The following ATG10 variants were observed in gnomAD, a reference collection of about 807,000 sequenced individuals.
ATG10 encodes ubiquitin-like-conjugating enzyme ATG10.
ATG10 carries 30 observed loss-of-function variants against 32.1 expected under a neutral mutation model. The observed-to-expected ratio is 0.94, with a 90% CI of 0.70 to 1.27. The LOEUF (loss-of-function observed/expected upper bound fraction) is 1.27, where lower values mean the gene tolerates loss of function less well. ATG10 is among the 50% of genes most tolerant of loss of function. The pLI, the probability that ATG10 is intolerant of heterozygous loss-of-function variation, is 0.00. For missense variants in ATG10, 233 were observed against 262.3 expected, an observed-to-expected ratio of 0.89 and a Z score of 0.77; for synonymous variants, 87 against 91.5, an observed-to-expected ratio of 0.95 and a Z score of 0.28.
chr5:81,983,951 C>G (rs1417827318), intron 1 of ATG10, among the ~76,000 whole-genome samples: 3 of 150,392 alleles, frequency 2.0e-5, no homozygotes, highest in African/African-American at 2.5e-5. Context: ...GGATGGCGGC[C>G]GGGAAGAGGC....
intron 2 of ATG10, among the ~76,000 whole-genome samples, chr5:82,048,620 A>C (rs1439989928): frequency 6.6e-6 from 1 of 152,172 alleles, no homozygotes; most frequent in African/African-American, 2.4e-5. Context: ...CAACCTACAA[A>C]ATGGGAGAAA....
At chr5:81,980,894 A>G (rs1407541610) in intron 1 of ATG10, among the ~76,000 whole-genome samples, 4 of 152,124 alleles carry the variant, frequency 2.6e-5, no homozygotes, top group Non-Finnish European at 5.9e-5. Flanking sequence ...GGAATGGGAG[A>G]GAGTGAAATG....
chr5:82,157,865 T>C (rs550559227), intron 3 of ATG10, among the ~76,000 whole-genome samples: 3 of 152,320 alleles, frequency 2.0e-5, no homozygotes, highest in South Asian at 2.1e-4. Flanking sequence ...AAGACCTGAC[T>C]GGTAGAAAAC....
intron 5 of ATG10, among the ~76,000 whole-genome samples, chr5:82,198,575 T>C (rs565317841): frequency 6.6e-6 from 1 of 152,320 alleles, no homozygotes; most frequent in African/African-American, 2.4e-5. Context: ...GTGCACTATC[T>C]ACATGTTTTC....
intron 3 of ATG10, among the ~76,000 whole-genome samples, chr5:82,151,101 G>C (rs1170178181): frequency 6.6e-6 from 1 of 152,120 alleles, no homozygotes; most frequent in Non-Finnish European, 1.5e-5. Context: ...TGCCCCCAGA[G>C]GGCTTGCAAA....
At chr5:82,234,545 A>G (rs1276747782) in intron 5 of ATG10, among the ~76,000 whole-genome samples, 1 of 152,162 alleles carries the variant, frequency 6.6e-6, no homozygotes, top group Admixed American at 6.5e-5. Flanking sequence ...ATTGAGTGTC[A>G]TTTCCTCTGT....
rs1207440091 is a variant in ATG10, at chr5:82,254,992, T to A, written c.*929T>A. On this transcript the variant is annotated 3_prime_UTR_variant, in exon 8 of 8. Transcript: ENST00000282185. The stretch of plus-strand genomic sequence containing the variant: ...CAATATTTTACTGTGAGATAATATG[T>A]TTTACCAGCAAAGTGTGGCATAGTA... 1.3e-5 allele frequency: 2 copies of A among 152,094 alleles called. No homozygotes were observed. Among genetic ancestry groups the A allele is most frequent in the African/African-American group, 4.8e-5 (2 of 41,418 alleles). 9.4% of individuals were successfully genotyped at this position (152,094 alleles called of 1,614,324 possible).
chr5:81,999,143 CAA>C (rs370637760), intron 2 of ATG10, among the ~76,000 whole-genome samples: 85 of 116,490 alleles, frequency 7.3e-4, no homozygotes, highest in Non-Finnish European at 1.2e-3. Context: ...AATCCTCAGC[CAA>C]AAAAAAAAAA....
At chr5:82,206,097 G>T (rs1052433625) in intron 5 of ATG10, among the ~76,000 whole-genome samples, 2 of 152,134 alleles carry the variant, frequency 1.3e-5, no homozygotes, top group Non-Finnish European at 2.9e-5. Context: ...AGTGATTCTT[G>T]TATTGATAAG....
intron 1 of ATG10, among the ~76,000 whole-genome samples, chr5:81,983,010 C>G (rs1353132509): frequency 6.6e-6 from 1 of 152,246 alleles, no homozygotes. Flanking sequence ...ACCTTTCCCC[C>G]CTTTCTATTC....
At chr5:82,136,039 AC>A (rs1561317691) in intron 3 of ATG10, among the ~76,000 whole-genome samples, 1 of 148,836 alleles carries the variant, frequency 6.7e-6, no homozygotes, top group Middle Eastern at 3.5e-3. Flanking sequence ...TAAAATTGCA[AC>A]CCCTGATTTT....
chr5:82,234,265 T>C (rs745690282), intron 5 of ATG10, among the ~76,000 whole-genome samples: 2 of 152,158 alleles, frequency 1.3e-5, no homozygotes, highest in South Asian at 4.1e-4. Flanking sequence ...TGCGTTTGAA[T>C]TACCTTTAGC....
At chr5:82,251,492 G>A (rs1445879283) in intron 5 of ATG10, among the ~76,000 whole-genome samples, 1 of 152,182 alleles carries the variant, frequency 6.6e-6, no homozygotes, top group Non-Finnish European at 1.5e-5. Flanking sequence ...CAAATAGGGA[G>A]GTCTGGCATG....
chr5:82,174,558 A>T (rs1382803473), intron 4 of ATG10, among the ~76,000 whole-genome samples: 4 of 152,054 alleles, frequency 2.6e-5, no homozygotes, highest in African/African-American at 9.7e-5. Flanking sequence ...AATAAGTATA[A>T]TTTTTTTTCC....
chr5:82,170,744 G>A (rs927587158), intron 4 of ATG10, among the ~76,000 whole-genome samples: 1 of 151,906 alleles, frequency 6.6e-6, no homozygotes, highest in African/African-American at 2.4e-5. Flanking sequence ...TCAAGAGTTC[G>A]AGACCAGCCT....
chr5:82,117,064 G>A (rs1334121713), intron 3 of ATG10, among the ~76,000 whole-genome samples: 2 of 152,044 alleles, frequency 1.3e-5, no homozygotes, highest in African/African-American at 2.4e-5. Context: ...GTGCTCATTT[G>A]CTCATTTGTT....
intron 1 of ATG10, chr5:81,973,033 T>G (rs1349564774): frequency 1.3e-5 from 2 of 152,214 alleles, no homozygotes; most frequent in African/African-American, 2.4e-5. Flanking sequence ...TAACATCTTT[T>G]TCATTAATGG....
intron 5 of ATG10, among the ~76,000 whole-genome samples, chr5:82,187,887 C>A (rs115187540): frequency 1.5e-3 from 224 of 152,266 alleles, no homozygotes; most frequent in African/African-American, 5.1e-3. Context: ...CACACCTGGC[C>A]AATGACTTAT....
chr5:82,124,594 C>G (rs1472634855), intron 3 of ATG10, among the ~76,000 whole-genome samples: 10 of 151,816 alleles, frequency 6.6e-5, no homozygotes. Flanking sequence ...TGATGGTTTC[C>G]AGCTTTATCC....
Sources: allele counts gnomAD v4.1 joint callset (sites outside exome capture counted in the v4.1 genomes callset), GRCh38; gene constraint gnomAD v4.1.1; transcripts MANE v1.5; gene names NCBI Gene and HGNC (gene_info 2026-07-23, HGNC 2026-07-21).